The following OPCML variants were observed in gnomAD, a reference collection of about 807,000 sequenced individuals.
OPCML encodes opioid binding protein/cell adhesion molecule like, also known as opioid-binding protein/cell adhesion molecule.
A neutral mutation model predicts 37.8 loss-of-function variants in OPCML; 13 were observed. The ratio of observed to expected loss-of-function variants is 0.34; its 90% confidence interval spans 0.22 to 0.55. The LOEUF (loss-of-function observed/expected upper bound fraction) is 0.55. OPCML is among the 20% of genes least tolerant of loss of function. The pLI, the probability that OPCML is intolerant of heterozygous loss-of-function variation, is 0.91. For synonymous variants in OPCML, 176 were observed against 168.8 expected, an observed-to-expected ratio of 1.04 and a Z score of -0.33; for missense variants, 341 against 435.6, an observed-to-expected ratio of 0.78 and a Z score of 1.93.
chr11:132,721,525 G>T (rs1565806757), intron 2 of OPCML, among the ~76,000 whole-genome samples: 1 of 152,304 alleles, frequency 6.6e-6, no homozygotes, highest in East Asian at 1.9e-4. Context: ...CATGTGAAGG[G>T]CTGCAAACTC....
At position 132,452,559 on chromosome 11, in the gene OPCML, T is replaced by TCAG; in HGVS notation, c.506-15201_506-15200insCTG. On this transcript the variant is annotated intron_variant, in intron 4 of 7. Transcript: ENST00000524381. ...TGCCTGCCTGCCTGCCTTCCTTTTT[T>TCAG]CCTTCCTTCCTGCCTGCCTTCCTAC... Among the ~76,000 whole-genome samples, 43 of 150,496 alleles carry TCAG rather than the reference T, an allele frequency of 2.9e-4. No individual in the cohort carries two copies. In the South Asian group the frequency reaches 9.1e-3, roughly 32 times the overall value.
At chr11:133,272,790 T>C (rs1432298628) in intron 1 of OPCML, among the ~76,000 whole-genome samples, 2 of 152,194 alleles carry the variant, frequency 1.3e-5, no homozygotes, top group Non-Finnish European at 2.9e-5. Flanking sequence ...TTAAGGAACA[T>C]CTCTTTGAGA....
At chr11:133,333,461 A>G (rs1215670474) in intron 1 of OPCML, among the ~76,000 whole-genome samples, 1 of 152,216 alleles carries the variant, frequency 6.6e-6, no homozygotes, top group Admixed American at 6.5e-5. Context: ...TTGAAGCTGG[A>G]CCGCTTCCTT....
chr11:133,254,207 A>G (rs1241015607), intron 1 of OPCML, among the ~76,000 whole-genome samples: 2 of 152,190 alleles, frequency 1.3e-5, no homozygotes, highest in African/African-American at 4.8e-5. Context: ...GCTTTGAATG[A>G]TGACAAGGAC....
intron 2 of OPCML, among the ~76,000 whole-genome samples, chr11:132,681,129 C>T (rs1452217812): frequency 1.3e-5 from 2 of 152,268 alleles, no homozygotes; most frequent in East Asian, 1.9e-4. Context: ...GACTTGTCTC[C>T]AAAATCTCAT....
At chr11:133,227,172 C>G (rs953324560) in intron 1 of OPCML, among the ~76,000 whole-genome samples, 5 of 152,182 alleles carry the variant, frequency 3.3e-5, no homozygotes, top group African/African-American at 1.2e-4. Context: ...CGGAGGGATC[C>G]TGTGAACTCC....
chr11:133,396,987 A>C (rs1945300345), intron 1 of OPCML, among the ~76,000 whole-genome samples: 1 of 152,222 alleles, frequency 6.6e-6, no homozygotes, highest in Non-Finnish European at 1.5e-5. Flanking sequence ...AAGGCAGAAA[A>C]TGAGTGTGAC....
intron 1 of OPCML, among the ~76,000 whole-genome samples, chr11:133,182,278 A>G (rs1937868702): frequency 6.6e-6 from 1 of 152,248 alleles, no homozygotes. Context: ...AAATGATACC[A>G]AAAGATTAGC....
At chr11:133,267,401 G>C (rs191611627) in intron 1 of OPCML, among the ~76,000 whole-genome samples, 4 of 152,258 alleles carry the variant, frequency 2.6e-5, no homozygotes, top group Non-Finnish European at 5.9e-5. Context: ...CCGAGCCTCA[G>C]TTTTCTCACT....
intron 4 of OPCML, among the ~76,000 whole-genome samples, chr11:132,441,765 C>T (rs2096036373): frequency 6.6e-6 from 1 of 152,146 alleles, no homozygotes; most frequent in African/African-American, 2.4e-5. Context: ...TTAAGATCTG[C>T]AAAAATACAA....
At chr11:132,645,862 G>A (rs998867347) in intron 3 of OPCML, among the ~76,000 whole-genome samples, 2 of 152,234 alleles carry the variant, frequency 1.3e-5, no homozygotes, top group African/African-American at 2.4e-5. Flanking sequence ...GTTGAAGAGT[G>A]TAAATACAGA....
chr11:133,055,799 C>T (rs1391070338), intron 1 of OPCML, among the ~76,000 whole-genome samples: 1 of 151,502 alleles, frequency 6.6e-6, no homozygotes, highest in Non-Finnish European at 1.5e-5. Context: ...TACAATGCTG[C>T]CTCCATGATA....
chr11:133,142,151 A>G (rs1253592864), intron 1 of OPCML, among the ~76,000 whole-genome samples: 1 of 152,168 alleles, frequency 6.6e-6, no homozygotes, highest in Non-Finnish European at 1.5e-5. Context: ...CTCTATTTCA[A>G]TCCACCATGT....
At chr11:132,825,221 A>G (rs1470945750) in intron 2 of OPCML, among the ~76,000 whole-genome samples, 1 of 152,222 alleles carries the variant, frequency 6.6e-6, no homozygotes, top group Admixed American at 6.5e-5. Context: ...GCCTAATTTA[A>G]TGCACATTTG....
At chr11:133,420,812 G>A in intron 1 of OPCML, 1 of 985,424 alleles carries the variant, frequency 1.0e-6, no homozygotes, top group South Asian at 4.7e-5. Flanking sequence ...TTGAAAACTA[G>A]AAGGAACATC....
intron 2 of OPCML, among the ~76,000 whole-genome samples, chr11:132,868,563 G>A (rs577354598): frequency 2.7e-4 from 41 of 152,224 alleles, no homozygotes; most frequent in Non-Finnish European, 5.7e-4. Flanking sequence ...GGTTGTCCTA[G>A]TGAAGTGTGA....
At chr11:133,363,940 A>G (rs1471789862) in intron 1 of OPCML, among the ~76,000 whole-genome samples, 3 of 152,144 alleles carry the variant, frequency 2.0e-5, no homozygotes, top group African/African-American at 7.2e-5. Context: ...TGCTGGCCAC[A>G]TCAAGCTCGC....
intron 1 of OPCML, among the ~76,000 whole-genome samples, chr11:132,945,109 T>C (rs552254368): frequency 6.6e-6 from 1 of 151,988 alleles, no homozygotes; most frequent in Non-Finnish European, 1.5e-5. Context: ...TAGAGCATCT[T>C]ACCTAGAAGG....
At chr11:133,454,875 G>A (rs930456621) in intron 1 of OPCML, among the ~76,000 whole-genome samples, 1 of 152,076 alleles carries the variant, frequency 6.6e-6, no homozygotes, top group African/African-American at 2.4e-5. Flanking sequence ...AGGACAGAGT[G>A]GTCCAGAGTT....
Sources: allele counts gnomAD v4.1 joint callset (sites outside exome capture counted in the v4.1 genomes callset), GRCh38; gene constraint gnomAD v4.1.1; transcripts MANE v1.5; gene names NCBI Gene and HGNC (gene_info 2026-07-23, HGNC 2026-07-21).